The following VOPP1 variants were observed in gnomAD, a reference collection of about 807,000 sequenced individuals.
The protein encoded by VOPP1 is VOPP1 WW domain binding protein, also known as WW domain binding protein VOPP1.
Under a neutral mutation model 23.5 loss-of-function variants are expected in VOPP1, and 8 were observed. That is an observed-to-expected ratio of 0.34 (90% CI 0.20 to 0.61). The LOEUF (loss-of-function observed/expected upper bound fraction) is 0.61, where lower values mean the gene tolerates loss of function less well. Ranked by LOEUF, VOPP1 falls within the 20% of genes least tolerant of loss-of-function variation. The probability of loss-of-function intolerance (pLI) is 0.78; values close to 1 mark genes in which losing one functional copy is unlikely to be tolerated. For synonymous variants in VOPP1, 83 were observed against 97.3 expected (o/e 0.85, Z 0.86); for missense variants, 174 against 238.1 (o/e 0.73, Z 1.77).
chr7:55,519,087 G>A (rs570021395), intron 2 of VOPP1, among the ~76,000 whole-genome samples: 15 of 152,276 alleles, frequency 9.9e-5, no homozygotes, highest in Non-Finnish European at 2.1e-4. Context: ...GGACAATGCC[G>A]GGGCCTGGAG....
chr7:55,492,159 A>G (rs943705996), intron 4 of VOPP1, 123 bp downstream of exon 4: 1 of 1,366,464 alleles, frequency 7.3e-7, no homozygotes, highest in Non-Finnish European at 9.6e-7. Context: ...TCAGAACTAA[A>G]AAAATGAATA....
At chr7:55,550,001 G>A (rs929279305) in intron 1 of VOPP1, among the ~76,000 whole-genome samples, 2 of 152,198 alleles carry the variant, frequency 1.3e-5, no homozygotes, top group African/African-American at 4.8e-5. Context: ...TCATGAGCCA[G>A]GCCTCTCCTC....
chr7:55,515,203 T>C (rs1039259216), intron 2 of VOPP1, among the ~76,000 whole-genome samples: 1 of 152,220 alleles, frequency 6.6e-6, no homozygotes, highest in African/African-American at 2.4e-5. Flanking sequence ...TCAATGGAGA[T>C]GGTGACATTT....
At chr7:55,499,657 G>C (rs989397393) in intron 2 of VOPP1, among the ~76,000 whole-genome samples, 1 of 152,240 alleles carries the variant, frequency 6.6e-6, no homozygotes, top group Non-Finnish European at 1.5e-5. Flanking sequence ...GGTGCTCAGG[G>C]AGGACATGTG....
At chr7:55,462,041 C>G (rs1429099561) in intron 4 of VOPP1, among the ~76,000 whole-genome samples, 2 of 152,140 alleles carry the variant, frequency 1.3e-5, no homozygotes, top group African/African-American at 4.8e-5. Context: ...GATGAATGCC[C>G]TCAGTTTTTG....
intron 1 of VOPP1, among the ~76,000 whole-genome samples, chr7:55,550,749 A>G (rs1797572503): frequency 6.6e-6 from 1 of 152,198 alleles, no homozygotes; most frequent in South Asian, 2.1e-4. Flanking sequence ...AGGATGCACT[A>G]TTGAGTATAT....
intron 1 of VOPP1, chr7:55,531,037 T>C (rs1276334965): frequency 6.6e-6 from 1 of 152,194 alleles, no homozygotes; most frequent in Non-Finnish European, 1.5e-5. Context: ...GAAATCACTT[T>C]TTAGATGCCA....
At chr7:55,529,410 A>C (rs1212470630) in intron 1 of VOPP1, among the ~76,000 whole-genome samples, 1 of 151,028 alleles carries the variant, frequency 6.6e-6, no homozygotes, top group Non-Finnish European at 1.5e-5. Context: ...TGAGTGCAAA[A>C]GACTGGATTC....
intron 1 of VOPP1, among the ~76,000 whole-genome samples, chr7:55,570,239 T>C (rs1798303435): frequency 6.6e-6 from 1 of 152,154 alleles, no homozygotes; most frequent in Non-Finnish European, 1.5e-5. Context: ...TAAAATTTCA[T>C]GTGATAAATG....
chr7:55,479,562 G>GT (rs1222819588), intron 4 of VOPP1, among the ~76,000 whole-genome samples: 1 of 152,108 alleles, frequency 6.6e-6, no homozygotes, highest in East Asian at 1.9e-4. Context: ...TTTACAAACA[G>GT]TAATAGTTTT....
chr7:55,570,168 A>G (rs1229703736), intron 1 of VOPP1, among the ~76,000 whole-genome samples: 1 of 152,172 alleles, frequency 6.6e-6, no homozygotes, highest in Non-Finnish European at 1.5e-5. Flanking sequence ...CAGAAGCATC[A>G]CAGGTATTCA....
chr7:55,557,970 G>A (rs553674990), intron 1 of VOPP1, among the ~76,000 whole-genome samples: 9 of 152,278 alleles, frequency 5.9e-5, no homozygotes, highest in South Asian at 2.1e-4. Flanking sequence ...ATCAATATGC[G>A]GTTTAGTAAG....
intron 1 of VOPP1, among the ~76,000 whole-genome samples, chr7:55,522,414 T>C (rs934761453): frequency 3.3e-5 from 5 of 152,158 alleles, no homozygotes; most frequent in Admixed American, 6.5e-5. Context: ...TTAGACTAGG[T>C]TAGCTCCTGT....
chr7:55,520,264 C>T (rs1409819063), intron 2 of VOPP1, among the ~76,000 whole-genome samples: 1 of 152,118 alleles, frequency 6.6e-6, no homozygotes, highest in Non-Finnish European at 1.5e-5. Flanking sequence ...TGCTAGACTA[C>T]AATATATATG....
intron 4 of VOPP1, among the ~76,000 whole-genome samples, chr7:55,456,913 C>T (rs751685980): frequency 1.5e-4 from 23 of 152,244 alleles, no homozygotes; most frequent in Non-Finnish European, 2.9e-4. Flanking sequence ...CAAACCTGCA[C>T]GTTCTGCACA....
At chr7:55,572,037 G>C (rs1336387792) in intron 1 of VOPP1, among the ~76,000 whole-genome samples, 1 of 152,136 alleles carries the variant, frequency 6.6e-6, no homozygotes, top group African/African-American at 2.4e-5. Flanking sequence ...GCAGGGTGGG[G>C]GCGGGGTGCG....
intron 2 of VOPP1, among the ~76,000 whole-genome samples, chr7:55,511,615 G>A (rs1583975494): frequency 6.6e-6 from 1 of 152,144 alleles, no homozygotes; most frequent in African/African-American, 2.4e-5. Context: ...GTCATCCTCT[G>A]CTCACTGAGA....
intron 2 of VOPP1, among the ~76,000 whole-genome samples, chr7:55,517,934 G>A (rs1795575365): frequency 6.6e-6 from 1 of 152,172 alleles, no homozygotes; most frequent in African/African-American, 2.4e-5. Flanking sequence ...CATGTGTGCT[G>A]GCTGGCCCCA....
intron 1 of VOPP1, chr7:55,526,659 A>G (rs1796210022): frequency 6.6e-6 from 1 of 152,206 alleles, no homozygotes; most frequent in Non-Finnish European, 1.5e-5. Flanking sequence ...AGTTCAGGGG[A>G]TAAGGTGAGA....
Sources: allele counts gnomAD v4.1 joint callset (sites outside exome capture counted in the v4.1 genomes callset), GRCh38; gene constraint gnomAD v4.1.1; transcripts MANE v1.5; gene names NCBI Gene and HGNC (gene_info 2026-07-23, HGNC 2026-07-21).